The following BAIAP2L2 variants were observed in gnomAD, a reference collection of about 807,000 sequenced individuals.
BAIAP2L2 encodes BAR/IMD domain-containing adapter protein 2-like 2.
In BAIAP2L2, 65 loss-of-function variants were observed where a neutral mutation model predicts 60.4. The observed-to-expected ratio is 1.08, with a 90% CI of 0.88 to 1.32. BAIAP2L2 has a LOEUF of 1.32. Ranked by LOEUF, BAIAP2L2 falls within the 40% of genes most tolerant of loss-of-function variation. The probability of loss-of-function intolerance (pLI) is 0.00; values close to 1 mark genes in which losing one functional copy is unlikely to be tolerated. For missense variants in BAIAP2L2, 836 were observed against 741.2 expected (o/e 1.13, Z -1.48); for synonymous variants, 344 against 301.7 (o/e 1.14, Z -1.45).
chr22:38,093,959 C>T (rs2086367519), intron 7 of BAIAP2L2: 1 of 456,500 alleles, frequency 2.2e-6, no homozygotes, highest in Admixed American at 2.3e-5. Context: ...CATCAGCTAA[C>T]ATCTGAGTAA....
intron 7 of BAIAP2L2, among the ~76,000 whole-genome samples, chr22:38,092,409 T>C (rs2086326614): frequency 6.6e-6 from 1 of 152,072 alleles, no homozygotes; most frequent in African/African-American, 2.4e-5. Context: ...CCCGAGTAGC[T>C]GTGATTACAG....
chr22:38,085,112 G>A lies in BAIAP2L2; in HGVS notation c.*188C>T, dbSNP rs578229803. On this transcript the variant is annotated 3_prime_UTR_variant, in exon 14 of 14. Transcript: ENST00000381669. Reference sequence around the variant, plus strand: ...CCCCCCATTCCGCCTGCTTTACTTTGAAGGTCTCGGACCCCAAGCCAGTGC... The same window carrying A: ...CCCCCCATTCCGCCTGCTTTACTTTAAAGGTCTCGGACCCCAAGCCAGTGC... 5.2e-6 allele frequency: 3 copies of A among 579,988 alleles called. No individual in the cohort carries two copies. The highest frequency in any genetic ancestry group is 3.0e-5 in the Admixed American group (1 of 33,138). 35.9% of individuals were successfully genotyped at this position (579,988 alleles called of 1,614,324 possible).
intron 10 of BAIAP2L2, 105 bp from the exon 11 acceptor site, chr22:38,087,369 C>T (rs899207708): frequency 6.0e-6 from 8 of 1,336,292 alleles, no homozygotes; most frequent in Middle Eastern, 1.8e-4. Flanking sequence ...TACTTCACCT[C>T]GAATTGACAG....
At chr22:38,093,746 A>G (rs1453403161) in intron 7 of BAIAP2L2, among the ~76,000 whole-genome samples, 1 of 152,242 alleles carries the variant, frequency 6.6e-6, no homozygotes, top group East Asian at 1.9e-4. Flanking sequence ...GAACCCTCAT[A>G]AACTGCTGAT....
chr22:38,086,483 G>A, intron 11 of BAIAP2L2, 34 bp from the exon 12 acceptor site: 3 of 1,440,926 alleles, frequency 2.1e-6, no homozygotes, highest in South Asian at 1.4e-5. Context: ...AAGGAAAGGG[G>A]TTGGGGCCTG....
rs2086186145 is a variant in BAIAP2L2, at chr22:38,088,897, G to A, written c.969C>T (p.Gly323=). The A allele has an allele frequency of 6.4e-7, 1 of 1,571,938 alleles. No individual in the cohort carries two copies. The highest frequency in any genetic ancestry group is 8.6e-7 in the Non-Finnish European group (1 of 1,166,948). The stretch of plus-strand genomic sequence containing the variant: ...GGGCGCGGACTCTCCTGGCGCCCCC[G>A]CCGCCGCCCGGGCGCTCGCCAAAGG... The part of the protein sequence containing the change: ...SNSFGERPGG[G]GGARRVRALV... Residue 323 remains glycine (G), a synonymous_variant, in exon 10 of 14, where the codon GGC becomes GGT. Transcript: ENST00000381669.
intron 13 of BAIAP2L2, 120 bp downstream of exon 13, chr22:38,085,566 G>A (rs183188877): frequency 6.7e-6 from 9 of 1,345,696 alleles, no homozygotes; most frequent in African/African-American, 1.4e-5. Context: ...TCAAGCTGAT[G>A]TTGAACTGTT....
intron 4 of BAIAP2L2, among the ~76,000 whole-genome samples, chr22:38,098,805 A>G (rs1362174557): frequency 6.6e-6 from 1 of 152,024 alleles, no homozygotes; most frequent in East Asian, 1.9e-4. Context: ...TTTCCTCCCT[A>G]TCTTCCAGTG....
At chr22:38,095,503 T>G (rs1268510195) in intron 7 of BAIAP2L2, among the ~76,000 whole-genome samples, 1 of 152,154 alleles carries the variant, frequency 6.6e-6, no homozygotes, top group Non-Finnish European at 1.5e-5. Flanking sequence ...TAGCTGGGAT[T>G]ACAAGTGCCT....
rs765672163 is a variant in BAIAP2L2, at chr22:38,087,111, A to G, written c.1259+13T>C. ...CGTCCTCACCCCCGCCCCACCCCTGATGACTCAGGTACCTGGAAGGCAGCT... is the reference window on the plus strand; with the variant it reads ...CGTCCTCACCCCCGCCCCACCCCTGGTGACTCAGGTACCTGGAAGGCAGCT... On this transcript the variant is annotated intron_variant, in intron 11 of 13. Transcript: ENST00000381669. 1.3e-6 allele frequency: 2 copies of G among 1,547,828 alleles called. No individual in the cohort carries two copies. The highest frequency in any genetic ancestry group is 1.7e-6 in the Non-Finnish European group (2 of 1,149,582).
At chr22:38,092,692 C>T (rs2086334136) in intron 7 of BAIAP2L2, among the ~76,000 whole-genome samples, 2 of 152,204 alleles carry the variant, frequency 1.3e-5, no homozygotes, top group Non-Finnish European at 2.9e-5. Flanking sequence ...ATGTTACTTG[C>T]TCCCTATGTG....
chr22:38,089,758 G>A (rs1219244049), intron 7 of BAIAP2L2, 84 bp from the exon 8 acceptor site: 2 of 1,181,220 alleles, frequency 1.7e-6, no homozygotes, highest in African/African-American at 1.6e-5. Flanking sequence ...CTCGACCTGA[G>A]AGCTCAGGCC....
intron 10 of BAIAP2L2, among the ~76,000 whole-genome samples, chr22:38,088,496 G>A (rs1471604183): frequency 2.0e-5 from 3 of 152,142 alleles, no homozygotes; most frequent in Non-Finnish European, 4.4e-5. Flanking sequence ...CACACTTTTG[G>A]AAGAACCTGC....
intron 3 of BAIAP2L2, 135 bp from the exon 4 acceptor site, chr22:38,108,048 A>C: frequency 9.4e-7 from 1 of 1,065,150 alleles, no homozygotes; most frequent in Non-Finnish European, 1.4e-6. Context: ...AACTTCCCAT[A>C]TGGTTCTCTG....
At chr22:38,088,681 C>T (rs1015015115) in intron 10 of BAIAP2L2, 67 bp downstream of exon 10, 1 of 1,470,238 alleles carries the variant, frequency 6.8e-7, no homozygotes, top group East Asian at 2.5e-5. Context: ...CCGGCAGGTC[C>T]CCGGGTTCCC....
intron 2 of BAIAP2L2, 71 bp from the exon 3 acceptor site, chr22:38,108,412 T>A: frequency 8.3e-7 from 1 of 1,211,546 alleles, no homozygotes; most frequent in Non-Finnish European, 1.2e-6. Flanking sequence ...TCTTTTCATC[T>A]GGAGGGGACT....
intron 10 of BAIAP2L2, 90 bp downstream of exon 10, chr22:38,088,658 G>A: frequency 7.4e-7 from 1 of 1,356,818 alleles, no homozygotes; most frequent in Non-Finnish European, 9.8e-7. Context: ...GGGGAGGCCA[G>A]GGAAACCTCA....
intron 2 of BAIAP2L2, among the ~76,000 whole-genome samples, 164 bp from the exon 3 acceptor site, chr22:38,108,505 G>A (rs2086715860): frequency 6.6e-6 from 1 of 152,162 alleles, no homozygotes; most frequent in Non-Finnish European, 1.5e-5. Context: ...CTCAGGTGCA[G>A]GGGCATAAGG....
In BAIAP2L2 at chr22:38,085,874, C is replaced by CCTGACGTT. The variant is rs1019629694; in HGVS notation, c.1468-150_1468-143dup. ...ATGCCAGGCTCCTGGAAAATGAGACCCTGACGTTCTGAAGCCCAGAATTCT... is the reference window on the plus strand; with the variant it reads ...ATGCCAGGCTCCTGGAAAATGAGACCCTGACGTTCTGACGTTCTGAAGCCCAGAATTCT... On this transcript the variant is annotated intron_variant, in intron 12 of 13. Coordinates refer to ENST00000381669, the MANE Select transcript of BAIAP2L2 (RefSeq NM_025045.6). 50 of 856,514 alleles carry CCTGACGTT rather than the reference C, an allele frequency of 5.8e-5. No individual in the cohort carries two copies. The African/African-American group carries it at 7.5e-4, about 13-fold the overall frequency. 53.1% of individuals were successfully genotyped at this position (856,514 alleles called of 1,614,324 possible).
Sources: gnomAD v4.1 joint callset for allele counts (sites outside exome capture counted in the v4.1 genomes callset) on GRCh38, gnomAD v4.1.1 for gene constraint, MANE v1.5 for transcripts, NCBI Gene and HGNC (gene_info 2026-07-23, HGNC 2026-07-21) for gene names.